The following SNX6 variants were observed in gnomAD, a reference collection of about 807,000 sequenced individuals.
SNX6 encodes the protein sorting nexin-6.
In SNX6, 34 loss-of-function variants were observed where a neutral mutation model predicts 63.0. The observed-to-expected ratio is 0.54, with a 90% CI of 0.41 to 0.72. The LOEUF (loss-of-function observed/expected upper bound fraction) is 0.72, where lower values mean the gene tolerates loss of function less well. Among genes scored for constraint, SNX6 ranks in the 30% least tolerant of loss-of-function variants. SNX6 has a pLI of 0.00. For synonymous variants in SNX6, 170 were observed against 164.2 expected, an observed-to-expected ratio of 1.04 and a Z score of -0.27; for missense variants, 398 against 471.4, an observed-to-expected ratio of 0.84 and a Z score of 1.44.
At chr14:34,596,759 C>T (rs936742135) in intron 7 of SNX6, among the ~76,000 whole-genome samples, 9 of 152,012 alleles carry the variant, frequency 5.9e-5, no homozygotes, top group African/African-American at 1.4e-4. Flanking sequence ...TCTCAGCTCA[C>T]GGCAACCTCC....
chr14:34,569,482 C>T (rs1305440704), intron 11 of SNX6, among the ~76,000 whole-genome samples: 5 of 151,480 alleles, frequency 3.3e-5, no homozygotes, highest in South Asian at 2.1e-4. Flanking sequence ...GGCTGGAGTG[C>T]GGTGGTGTGA....
chr14:34,620,886 G>C (rs1368589066), intron 2 of SNX6, among the ~76,000 whole-genome samples: 1 of 152,050 alleles, frequency 6.6e-6, no homozygotes, highest in African/African-American at 2.4e-5. Flanking sequence ...AAGTTGCAGT[G>C]AATTGAGATG....
In SNX6 at chr14:34,625,512, C is replaced by A. The variant is rs556611596; in HGVS notation, c.54+4395G>T. Among the ~76,000 whole-genome samples the A allele has an allele frequency of 3.3e-5, 5 of 152,108 alleles. No homozygotes were observed. The South Asian group carries it at 8.3e-4, about 25-fold the overall frequency. ...CTTTGGGAGGCCGAGGCGGGCAGAT[C>A]CCCTGTGGTCAGGAGTTTGAGACCA... is the stretch of plus-strand genomic sequence containing the variant. On this transcript the variant is annotated intron_variant, in intron 2 of 13. Transcript: ENST00000362031.
chr14:34,600,258 G>A (rs1387398904), intron 6 of SNX6, among the ~76,000 whole-genome samples: 1 of 152,092 alleles, frequency 6.6e-6, no homozygotes, highest in Non-Finnish European at 1.5e-5. Context: ...CCAAGTAGCT[G>A]GGATTACAGG....
intron 10 of SNX6, among the ~76,000 whole-genome samples, chr14:34,580,211 A>G (rs1390900024): frequency 6.6e-6 from 1 of 152,172 alleles, no homozygotes; most frequent in Non-Finnish European, 1.5e-5. Flanking sequence ...AACAAAAAAC[A>G]AAACAAAAAA....
chr14:34,616,729 T>A (rs1883432472), intron 2 of SNX6, among the ~76,000 whole-genome samples: 1 of 152,076 alleles, frequency 6.6e-6, no homozygotes, highest in Non-Finnish European at 1.5e-5. Context: ...GTCAATCATT[T>A]TAGAGGGTTT....
intron 13 of SNX6, among the ~76,000 whole-genome samples, chr14:34,564,848 T>C (rs1010117196): frequency 1.3e-5 from 2 of 148,930 alleles, no homozygotes; most frequent in African/African-American, 4.9e-5. Flanking sequence ...AAAAAAAGTA[T>C]AGAATCTGGA....
chr14:34,617,095 A>C (rs1451915806), intron 2 of SNX6, among the ~76,000 whole-genome samples: 1 of 152,006 alleles, frequency 6.6e-6, no homozygotes, highest in Non-Finnish European at 1.5e-5. Flanking sequence ...AAAAAAATTT[A>C]ATCAACTTTC....
chr14:34,606,138 C>T (rs1240558334), intron 4 of SNX6, among the ~76,000 whole-genome samples: 2 of 151,404 alleles, frequency 1.3e-5, no homozygotes, highest in East Asian at 3.9e-4. Flanking sequence ...CGCACCGCTG[C>T]ACTCCAGCCT....
intron 2 of SNX6, among the ~76,000 whole-genome samples, chr14:34,616,283 C>T (rs1019012237): frequency 6.6e-6 from 1 of 152,074 alleles, no homozygotes; most frequent in Admixed American, 6.6e-5. Context: ...TGACAAATTA[C>T]AATTTAACTA....
At chr14:34,597,728 C>A in intron 6 of SNX6, 83 bp from the exon 7 acceptor site, 1 of 717,832 alleles carries the variant, frequency 1.4e-6, no homozygotes, top group Non-Finnish European at 2.3e-6. Context: ...AAATGGCAAT[C>A]TCAAAAGGAT....
chr14:34,622,480 C>T (rs968102926), intron 2 of SNX6, among the ~76,000 whole-genome samples: 1 of 149,596 alleles, frequency 6.7e-6, no homozygotes, highest in Non-Finnish European at 1.5e-5. Flanking sequence ...CTACTCGGGA[C>T]GCTGAGGCAG....
intron 2 of SNX6, among the ~76,000 whole-genome samples, chr14:34,620,825 C>T (rs1197260905): frequency 6.6e-6 from 1 of 151,948 alleles, no homozygotes; most frequent in African/African-American, 2.4e-5. Context: ...CCTGTAATCC[C>T]AGCTACTCAG....
At chr14:34,588,425 AT>A (rs1420220774) in intron 8 of SNX6, among the ~76,000 whole-genome samples, 2 of 151,844 alleles carry the variant, frequency 1.3e-5, no homozygotes, top group Non-Finnish European at 2.9e-5. Flanking sequence ...TACCCGGCCT[AT>A]TTTTTGCAAA....
intron 3 of SNX6, among the ~76,000 whole-genome samples, chr14:34,608,551 C>T (rs1883106709): frequency 6.6e-6 from 1 of 152,152 alleles, no homozygotes; most frequent in South Asian, 2.1e-4. Flanking sequence ...TACCATAAAA[C>T]TCTGAGCTAT....
chr14:34,581,455 G>A (rs1364371069), intron 10 of SNX6, 106 bp downstream of exon 10: 8 of 621,954 alleles, frequency 1.3e-5, no homozygotes, highest in Non-Finnish European at 2.3e-5. Context: ...CTGGCCAATA[G>A]TGATCACTCT....
rs114419897 is a variant in SNX6, at chr14:34,591,295, A to G, written c.718+1750T>C. On this transcript the variant is annotated intron_variant, in intron 8 of 13. Transcript: ENST00000362031. ...GGTTCTTTTACATATATGATTTTGTAGCATTATGCACTTGGCCGTTTAGAA... is the reference window on the plus strand; with the variant it reads ...GGTTCTTTTACATATATGATTTTGTGGCATTATGCACTTGGCCGTTTAGAA... Among the ~76,000 whole-genome samples the G allele has an allele frequency of 9.4e-3, 1,429 of 152,234 alleles. 17 individuals carry two copies. The highest frequency in any genetic ancestry group is 0.034 in the Middle Eastern group (10 of 294).
intron 5 of SNX6, 159 bp downstream of exon 5, chr14:34,605,437 T>A (rs769318321): frequency 5.9e-6 from 3 of 512,640 alleles, no homozygotes; most frequent in Non-Finnish European, 1.0e-5. Flanking sequence ...GCTCTGATCA[T>A]GATCATTAAT....
At chr14:34,569,777 C>T (rs1308618851) in intron 11 of SNX6, among the ~76,000 whole-genome samples, 1 of 152,188 alleles carries the variant, frequency 6.6e-6, no homozygotes, top group African/African-American at 2.4e-5. Flanking sequence ...GGTTATATCA[C>T]ATTAATTCAT....
Sources: allele counts gnomAD v4.1 joint callset (sites outside exome capture counted in the v4.1 genomes callset), GRCh38; gene constraint gnomAD v4.1.1; transcripts MANE v1.5; gene names NCBI Gene and HGNC (gene_info 2026-07-23, HGNC 2026-07-21).